Variants in PRIM2 observed in about 807,000 individuals in gnomAD.
PRIM2 encodes the protein DNA primase subunit 2.
In PRIM2, 39 loss-of-function variants were observed where a neutral mutation model predicts 67.3. The observed-to-expected ratio is 0.58, with a 90% CI of 0.45 to 0.76. The LOEUF (loss-of-function observed/expected upper bound fraction) is 0.76, where lower values mean the gene tolerates loss of function less well. Ranked by LOEUF, PRIM2 falls within the 30% of genes least tolerant of loss-of-function variation. The pLI, the probability that PRIM2 is intolerant of heterozygous loss-of-function variation, is 0.00. For missense variants in PRIM2, 398 were observed against 598.7 expected, an observed-to-expected ratio of 0.66 and a Z score of 3.50; for synonymous variants, 143 against 198.7, an observed-to-expected ratio of 0.72 and a Z score of 2.36.
intron 7 of PRIM2, among the ~76,000 whole-genome samples, chr6:57,449,493 A>G (rs1443560871): frequency 1.3e-5 from 2 of 152,196 alleles, no homozygotes; most frequent in African/African-American, 4.8e-5. Context: ...GACTCATCAT[A>G]CCTTTTAAAA....
the PRIM2 span, among the ~76,000 whole-genome samples, chr6:57,274,968 G>C: frequency 7.7e-6 from 1 of 130,320 alleles, no homozygotes; most frequent in Non-Finnish European, 1.6e-5. Context: ...TGTATTTCTA[G>C]GAGAGACGGG....
intron 7 of PRIM2, among the ~76,000 whole-genome samples, chr6:57,419,030 A>G (rs1191561320): frequency 6.6e-6 from 1 of 152,206 alleles, no homozygotes; most frequent in Admixed American, 6.5e-5. Flanking sequence ...TGAGTTGTTC[A>G]GAGAATTAAA....
At chr6:57,485,657 C>T (rs1481782935) in intron 7 of PRIM2, among the ~76,000 whole-genome samples, 2 of 152,184 alleles carry the variant, frequency 1.3e-5, no homozygotes, top group Non-Finnish European at 2.9e-5. Context: ...TATAGGAAAT[C>T]TGAGCATCTG....
At chr6:57,446,415 C>CTTGTTTTTTTTTTTTT (rs1581912466) in intron 7 of PRIM2, among the ~76,000 whole-genome samples, 1 of 43,310 alleles carries the variant, frequency 2.3e-5, no homozygotes, top group South Asian at 8.6e-4. Context: ...GCACACGCCA[C>CTTGTTTTTTTTTTTTT]TTCTTTTTTT....
intron 7 of PRIM2, among the ~76,000 whole-genome samples, chr6:57,452,619 G>T (rs190590549): frequency 1.3e-5 from 2 of 152,008 alleles, no homozygotes; most frequent in Non-Finnish European, 2.9e-5. Flanking sequence ...TTGCCCACTT[G>T]TTGATGGGGT....
chr6:57,503,772 A>G (rs1298826046), intron 7 of PRIM2, among the ~76,000 whole-genome samples: 2 of 151,722 alleles, frequency 1.3e-5, no homozygotes, highest in African/African-American at 4.8e-5. Context: ...AAAAAGAAGG[A>G]ACTATGTTGT....
At chr6:57,577,427 A>ATT (rs1161633688) in intron 10 of PRIM2, among the ~76,000 whole-genome samples, 2,861 of 121,504 alleles carry the variant, frequency 0.024, 69 homozygotes, top group East Asian at 0.047. Flanking sequence ...TGGTATATAA[A>ATT]TTTTTTTTTT....
the PRIM2 span, among the ~76,000 whole-genome samples, chr6:57,280,556 C>T: frequency 6.6e-6 from 1 of 152,122 alleles, no homozygotes; most frequent in Non-Finnish European, 1.5e-5. Flanking sequence ...GTCACCCAGG[C>T]TGGAGTGCAA....
chr6:57,228,778 G>A, the PRIM2 span, among the ~76,000 whole-genome samples: 30 of 152,292 alleles, frequency 2.0e-4, no homozygotes, highest in East Asian at 7.7e-4. Flanking sequence ...ATCTCTCAGC[G>A]CCTCAGTTTC....
chr6:57,613,543 C>G (rs1390120636), intron 12 of PRIM2, among the ~76,000 whole-genome samples: 2 of 152,188 alleles, frequency 1.3e-5, no homozygotes, highest in African/African-American at 4.8e-5. Context: ...AAGTACCTAG[C>G]ATAGTATCTG....
At chr6:57,560,182 G>C (rs1775599837) in intron 10 of PRIM2, among the ~76,000 whole-genome samples, 1 of 152,070 alleles carries the variant, frequency 6.6e-6, no homozygotes, top group Admixed American at 6.6e-5. Context: ...CATTTCAACA[G>C]TGTTCACAGC....
chr6:57,479,797 A>T (rs1210743594), intron 7 of PRIM2, among the ~76,000 whole-genome samples: 17 of 152,230 alleles, frequency 1.1e-4, no homozygotes, highest in Non-Finnish European at 1.8e-4. Context: ...TCTGTAAACT[A>T]CTTTGCCTTT....
At chr6:57,641,125 A>G (rs1391122953) in intron 13 of PRIM2, among the ~76,000 whole-genome samples, 3 of 152,142 alleles carry the variant, frequency 2.0e-5, no homozygotes, top group Admixed American at 2.0e-4. Context: ...CCTGACAAAA[A>G]CAATCAATGG....
chr6:57,316,118 G>A (rs899461100), upstream of PRIM2, among the ~76,000 whole-genome samples: 1 of 152,144 alleles, frequency 6.6e-6, no homozygotes, highest in African/African-American at 2.4e-5. Context: ...GTGTCCTTTT[G>A]ACTTCATTTA....
In PRIM2 at chr6:57,527,657, G is replaced by A. The variant is rs1299243416; in HGVS notation, c.762-4754G>A. On this transcript the variant is annotated intron_variant, in intron 8 of 13. Coordinates refer to ENST00000615550, the MANE Select transcript of PRIM2 (RefSeq NM_000947.5). ...TTTTCATGATTTTTCACTGCCTGCA[G>A]AGCATGGGATACAGTCTTCTCACCA... is the stretch of plus-strand genomic sequence containing the variant. Among the ~76,000 whole-genome samples, 354 of 152,266 alleles carry A rather than the reference G, an allele frequency of 2.3e-3. 1 individual carries two copies. Among genetic ancestry groups the A allele is most frequent in the African/African-American group, 8.0e-3 (332 of 41,536 alleles).
At chr6:57,511,430 T>C in intron 8 of PRIM2, among the ~76,000 whole-genome samples, 1 of 152,142 alleles carries the variant, frequency 6.6e-6, no homozygotes, top group Non-Finnish European at 1.5e-5. Context: ...TTTGATTTCA[T>C]TTGAGAGATA....
chr6:57,566,888 G>A (rs1775753751), intron 10 of PRIM2, among the ~76,000 whole-genome samples: 1 of 152,114 alleles, frequency 6.6e-6, no homozygotes, highest in African/African-American at 2.4e-5. Context: ...CTTAGCAGCT[G>A]TAACCTGACT....
intron 5 of PRIM2, among the ~76,000 whole-genome samples, chr6:57,365,331 A>G (rs925056357): frequency 1.3e-4 from 19 of 151,140 alleles, no homozygotes; most frequent in Admixed American, 6.6e-4. Flanking sequence ...TTTTCCCTCC[A>G]TCTCTGTCAC....
intron 7 of PRIM2, among the ~76,000 whole-genome samples, chr6:57,394,176 TG>T (rs375453748): frequency 0.01 from 1,553 of 152,248 alleles, 22 homozygotes; most frequent in African/African-American, 0.035. Flanking sequence ...ATTTTAGAAT[TG>T]TTTTTTTCTA....
Sources: allele counts gnomAD v4.1 joint callset (sites outside exome capture counted in the v4.1 genomes callset), GRCh38; gene constraint gnomAD v4.1.1; transcripts MANE v1.5; gene names NCBI Gene and HGNC (gene_info 2026-07-23, HGNC 2026-07-21).